SPAG17: variants seen among roughly 807,000 people sequenced by gnomAD.
SPAG17 encodes the protein sperm associated antigen 17, also known as sperm-associated antigen 17.
SPAG17 carries 169 observed loss-of-function variants against 273.6 expected under a neutral mutation model. That is an observed-to-expected ratio of 0.62 (90% CI 0.55 to 0.70). The LOEUF is 0.70. Ranked by LOEUF, SPAG17 falls within the 30% of genes least tolerant of loss-of-function variation. The pLI is 0.00. For synonymous variants in SPAG17, 825 were observed against 873.2 expected, an observed-to-expected ratio of 0.94 and a Z score of 0.97; for missense variants, 2,557 against 2,627.8, an observed-to-expected ratio of 0.97 and a Z score of 0.59.
intron 18 of SPAG17, among the ~76,000 whole-genome samples, chr1:118,062,680 T>G (rs1652465520): frequency 6.6e-6 from 1 of 152,130 alleles, no homozygotes; most frequent in South Asian, 2.1e-4. Context: ...TATTGTGGTT[T>G]TTTTAAAAAT....
At chr1:118,115,213 G>A in intron 4 of SPAG17, 97 bp downstream of exon 4, 1 of 1,424,818 alleles carries the variant, frequency 7.0e-7, no homozygotes, top group Non-Finnish European at 9.7e-7. Flanking sequence ...AACACTTAAT[G>A]GTAGGCTTAA....
rs555261933 is a variant in SPAG17 at position 117,959,652 on chromosome 1, A to G, written c.*4147T>C. The G allele has an allele frequency of 1.4e-5, 6 of 442,500 alleles. 1 individual carries two copies. The South Asian group carries it at 3.7e-4, about 28-fold the overall frequency. The allele number at this position is 442,500 out of a possible 1,614,324, so 27.4% of individuals were successfully genotyped here. A position where few individuals can be genotyped will look rare whatever the true frequency, so the allele number is the denominator to read the frequency against. Reference sequence around the variant, plus strand: ...GCTCCATTTCTTGGACTTAAAATGCATTATTAGTTTAAAAATCTTTCTGTG... The same window carrying G: ...GCTCCATTTCTTGGACTTAAAATGCGTTATTAGTTTAAAAATCTTTCTGTG... On this transcript the variant is annotated intron_variant, in intron 48 of 48. Coordinates refer to ENST00000336338, the MANE Select transcript of SPAG17 (RefSeq NM_206996.4).
intron 44 of SPAG17, 50 bp from the exon 45 acceptor site, chr1:117,972,097 G>C (rs1446853884): frequency 3.5e-6 from 5 of 1,421,510 alleles, no homozygotes; most frequent in Admixed American, 4.9e-5. Flanking sequence ...GAGTTCCCAA[G>C]ATTAAAAAAA....
intron 28 of SPAG17, among the ~76,000 whole-genome samples, chr1:118,017,762 T>A (rs1660117737): frequency 6.6e-6 from 1 of 152,132 alleles, no homozygotes; most frequent in African/African-American, 2.4e-5. Flanking sequence ...TATGAAAGGA[T>A]GAGGATGGCA....
At chr1:117,990,807 T>C (rs1656988047) in intron 38 of SPAG17, 54 bp downstream of exon 38, 4 of 1,188,100 alleles carry the variant, frequency 3.4e-6, no homozygotes, top group Admixed American at 2.0e-5. Flanking sequence ...GTATTTAAGA[T>C]GATTCCTTTG....
Position 118,062,866 on chromosome 1 carries a change from T to C in SPAG17, c.2540+3879A>G, listed in dbSNP as rs1326376405. 2.0e-5 allele frequency among the ~76,000 whole-genome samples: 3 copies of C among 152,210 alleles called. No individual in the cohort carries two copies. In the East Asian group the frequency reaches 5.8e-4, roughly 29 times the overall value. On this transcript the variant is annotated intron_variant, in intron 18 of 48. Coordinates refer to ENST00000336338, the MANE Select transcript of SPAG17 (RefSeq NM_206996.4). ...TATTAAACAACAGAGCAAGTATTAA[T>C]GAATTCATAGCCTCAGTAGTCCATA...
chr1:118,005,651 T>C, intron 31 of SPAG17, 49 bp from the exon 32 acceptor site: 5 of 1,327,386 alleles, frequency 3.8e-6, no homozygotes, highest in Non-Finnish European at 4.9e-6. Context: ...TCTTGTTAAA[T>C]ATGTGGGACT....
chr1:118,106,223 A>G (rs866805344), intron 4 of SPAG17, among the ~76,000 whole-genome samples: 3 of 152,164 alleles, frequency 2.0e-5, no homozygotes, highest in Non-Finnish European at 4.4e-5. Context: ...TATTATTATC[A>G]TCCTTATCAT....
At chr1:118,169,507 A>G (rs1660321202) in intron 1 of SPAG17, among the ~76,000 whole-genome samples, 1 of 152,210 alleles carries the variant, frequency 6.6e-6, no homozygotes, top group African/African-American at 2.4e-5. Context: ...ACACATTAAC[A>G]TAAGAAATAG....
chr1:118,058,800 A>G lies in SPAG17; in HGVS notation c.2541-2886T>C, dbSNP rs909903134. On this transcript the variant is annotated intron_variant, in intron 18 of 48. Transcript: ENST00000336338. ...CCAATAAATTCTTATATAAAGAAAGACCATCTAAAAATATTAATATCAAAC... is the reference window on the plus strand; with the variant it reads ...CCAATAAATTCTTATATAAAGAAAGGCCATCTAAAAATATTAATATCAAAC... Among the ~76,000 whole-genome samples, 42 of 152,324 alleles carry G rather than the reference A, an allele frequency of 2.8e-4. 1 individual carries two copies. The highest frequency in any genetic ancestry group is 9.4e-4 in the African/African-American group (39 of 41,580).
At chr1:118,093,052 A>G in intron 8 of SPAG17, 104 bp downstream of exon 8, 1 of 1,239,664 alleles carries the variant, frequency 8.1e-7, no homozygotes, top group Non-Finnish European at 1.1e-6. Context: ...TATGACCTTA[A>G]TGTAAGTATT....
chr1:118,014,463 T>C (rs1659769243), intron 29 of SPAG17, among the ~76,000 whole-genome samples: 1 of 152,108 alleles, frequency 6.6e-6, no homozygotes, highest in South Asian at 2.1e-4. Context: ...AGTGAGTTAC[T>C]TGAAGGAACA....
At chr1:118,083,285 CAG>C (rs1330665985) in intron 13 of SPAG17, among the ~76,000 whole-genome samples, 3 of 152,096 alleles carry the variant, frequency 2.0e-5, no homozygotes, top group Non-Finnish European at 4.4e-5. Context: ...GTGACTGCTG[CAG>C]AGTTTTCAGT....
intron 23 of SPAG17, 30 bp downstream of exon 23, chr1:118,039,262 G>C: frequency 6.2e-7 from 1 of 1,604,908 alleles, no homozygotes; most frequent in Non-Finnish European, 8.5e-7. Flanking sequence ...GTATTAGTCA[G>C]AAGAAAGAAA....
chr1:117,965,330 G>C (rs1395263657), intron 47 of SPAG17: 1 of 152,064 alleles, frequency 6.6e-6, no homozygotes, highest in African/African-American at 2.4e-5. Flanking sequence ...TCTTCCTCCT[G>C]CTCCCTAAAC....
chr1:118,130,138 G>C (rs1261161524), intron 3 of SPAG17, among the ~76,000 whole-genome samples: 3 of 152,082 alleles, frequency 2.0e-5, no homozygotes, highest in Non-Finnish European at 2.9e-5. Flanking sequence ...TGACTTGTTA[G>C]TTAGCTCTAG....
chr1:118,049,328 A>G (rs12026435), intron 20 of SPAG17, among the ~76,000 whole-genome samples: 9,624 of 152,256 alleles, frequency 0.063, 517 homozygotes, highest in East Asian at 0.31. Context: ...CCTCCAAAAA[A>G]TTCTAGTAAA....
chr1:117,994,894 A>T (rs535979173), intron 34 of SPAG17, among the ~76,000 whole-genome samples: 3 of 152,240 alleles, frequency 2.0e-5, no homozygotes, highest in Middle Eastern at 3.4e-3. Context: ...CTACAGCAAC[A>T]ACTGGTTTTG....
At chr1:118,047,239 A>G (rs1171111782) in intron 20 of SPAG17, among the ~76,000 whole-genome samples, 1 of 152,182 alleles carries the variant, frequency 6.6e-6, no homozygotes, top group Non-Finnish European at 1.5e-5. Context: ...AAGATGGTGG[A>G]ATAGGACTTT....
Sources: gnomAD v4.1 joint callset for allele counts (sites outside exome capture counted in the v4.1 genomes callset) on GRCh38, gnomAD v4.1.1 for gene constraint, MANE v1.5 for transcripts, NCBI Gene and HGNC (gene_info 2026-07-23, HGNC 2026-07-21) for gene names.